WLS: variants seen among roughly 807,000 people sequenced by gnomAD.
WLS encodes the protein Wnt ligand secretion mediator.
WLS carries 23 observed loss-of-function variants against 62.8 expected under a neutral mutation model. That is an observed-to-expected ratio of 0.37 (90% CI 0.26 to 0.52). WLS has a LOEUF of 0.52. Ranked by LOEUF, WLS falls within the 20% of genes least tolerant of loss-of-function variation. The pLI, the probability that WLS is intolerant of heterozygous loss-of-function variation, is 0.92. For missense variants in WLS, 615 were observed against 697.3 expected (o/e 0.88, Z 1.33); for synonymous variants, 246 against 244.1 (o/e 1.01, Z -0.07).
chr1:68,149,985 A>G (rs1014747277), intron 6 of WLS, among the ~76,000 whole-genome samples: 2 of 152,214 alleles, frequency 1.3e-5, no homozygotes, highest in Non-Finnish European at 2.9e-5. Flanking sequence ...TGATAATGTC[A>G]TTTGCCTAAA....
chr1:68,149,525 T>C (rs1646797371), intron 6 of WLS, among the ~76,000 whole-genome samples: 1 of 152,318 alleles, frequency 6.6e-6, no homozygotes, highest in South Asian at 2.1e-4. Flanking sequence ...AACAGTCCAC[T>C]CTGCTGTGAA....
At chr1:68,130,060 A>C (rs1307020781) in intron 11 of WLS, among the ~76,000 whole-genome samples, 3 of 152,220 alleles carry the variant, frequency 2.0e-5, no homozygotes, top group Non-Finnish European at 4.4e-5. Context: ...GTGTGGAGTC[A>C]CATCCACAGG....
intron 2 of WLS, among the ~76,000 whole-genome samples, chr1:68,167,778 G>A (rs753905422): frequency 6.6e-6 from 1 of 152,090 alleles, no homozygotes; most frequent in Non-Finnish European, 1.5e-5. Context: ...TATTTTAGTT[G>A]GGTGGAGAAT....
chr1:68,122,907 G>A (rs546008451), downstream of WLS, among the ~76,000 whole-genome samples: 1 of 152,258 alleles, frequency 6.6e-6, no homozygotes, highest in Admixed American at 6.5e-5. Flanking sequence ...CTCCTCCACT[G>A]TCTATTTGTT....
At chr1:68,180,474 T>C (rs1193347093) in intron 2 of WLS, among the ~76,000 whole-genome samples, 1 of 152,088 alleles carries the variant, frequency 6.6e-6, no homozygotes, top group Non-Finnish European at 1.5e-5. Flanking sequence ...TCTTTGGGAA[T>C]GTGTCTAGAC....
chr1:68,149,775 C>T (rs1835461), intron 6 of WLS, among the ~76,000 whole-genome samples: 24,027 of 152,140 alleles, frequency 0.16, 2,108 homozygotes, highest in East Asian at 0.36. Flanking sequence ...TGATGGTTAA[C>T]CTGTATTCCT....
chr1:68,156,777 C>T (rs564717743), intron 3 of WLS, among the ~76,000 whole-genome samples: 1 of 152,190 alleles, frequency 6.6e-6, no homozygotes, highest in East Asian at 1.9e-4. Context: ...CTCTCCCCTC[C>T]ACTCCTTTCT....
At chr1:68,113,916 G>A (rs554079061) in intron 11 of WLS, among the ~76,000 whole-genome samples, 5 of 152,178 alleles carry the variant, frequency 3.3e-5, no homozygotes, top group South Asian at 2.1e-4. Context: ...GAAAGGTGGC[G>A]TGTTCAAGAC....
At chr1:68,156,162 A>G (rs889831466) in intron 3 of WLS, among the ~76,000 whole-genome samples, 7 of 152,094 alleles carry the variant, frequency 4.6e-5, no homozygotes, top group Non-Finnish European at 8.8e-5. Context: ...GAGCATAAAG[A>G]GGCATGAGCT....
chr1:68,202,935 A>G lies in WLS; in HGVS notation c.107-8708T>C, dbSNP rs189286334. ...TTAAATCAGCTCACCATGGGCACAC[A>G]TTTATATTGGAATTTTAGGGTCAGA... On this transcript the variant is annotated intron_variant, in intron 1 of 11. Coordinates refer to ENST00000262348, the MANE Select transcript of WLS (RefSeq NM_024911.7). 2.0e-5 allele frequency: 3 copies of G among 152,330 alleles called. No homozygotes were observed. The East Asian group carries it at 5.8e-4, about 29-fold the overall frequency. 9.4% of individuals were successfully genotyped at this position (152,330 alleles called of 1,614,324 possible). A position where few individuals can be genotyped will look rare whatever the true frequency, so the allele number is the denominator to read the frequency against.
chr1:68,168,699 A>G (rs17130541), intron 2 of WLS, among the ~76,000 whole-genome samples: 1,763 of 152,326 alleles, frequency 0.012, 33 homozygotes, highest in African/African-American at 0.04. Flanking sequence ...TTCCCACATT[A>G]CATAGGGGAG....
At chr1:68,111,852 T>G (rs1557447127) in intron 11 of WLS, among the ~76,000 whole-genome samples, 2 of 152,148 alleles carry the variant, frequency 1.3e-5, no homozygotes. Flanking sequence ...CAGAAGAAGA[T>G]TTAGTTGAAT....
At chr1:68,141,660 A>G (rs1265011883) in intron 10 of WLS, 1 of 152,176 alleles carries the variant, frequency 6.6e-6, no homozygotes, top group Non-Finnish European at 1.5e-5. Flanking sequence ...CTCCCACAGC[A>G]AGCCCGAGAG....
intron 11 of WLS, among the ~76,000 whole-genome samples, chr1:68,128,016 C>T (rs1052316916): frequency 6.6e-6 from 1 of 152,192 alleles, no homozygotes; most frequent in African/African-American, 2.4e-5. Flanking sequence ...GCTCTCTACC[C>T]AGGAGATTCC....
intron 2 of WLS, among the ~76,000 whole-genome samples, chr1:68,164,386 G>A (rs1647031408): frequency 6.6e-6 from 1 of 151,946 alleles, no homozygotes. Context: ...AGCCTCCTGA[G>A]TAGCTGGGAT....
At chr1:68,116,347 C>T (rs948111976) in intron 11 of WLS, among the ~76,000 whole-genome samples, 5 of 152,222 alleles carry the variant, frequency 3.3e-5, no homozygotes, top group Non-Finnish European at 7.3e-5. Flanking sequence ...CACGGTCACA[C>T]AGTGGCTGAG....
chr1:68,168,847 G>T (rs140437646), intron 2 of WLS, among the ~76,000 whole-genome samples: 2 of 152,102 alleles, frequency 1.3e-5, no homozygotes, highest in Non-Finnish European at 2.9e-5. Flanking sequence ...CTCTGACCTG[G>T]CTTGAATTTT....
chr1:68,125,210 A>G, downstream of WLS: 1 of 732,450 alleles, frequency 1.4e-6, no homozygotes, highest in Non-Finnish European at 1.7e-6. Flanking sequence ...ACCACACAGG[A>G]CAGAAAATGT....
At chr1:68,212,477 C>T (rs548239144) in intron 1 of WLS, among the ~76,000 whole-genome samples, 2 of 152,288 alleles carry the variant, frequency 1.3e-5, no homozygotes, top group East Asian at 3.9e-4. Context: ...AAGGATCCTT[C>T]AATTTCTCTA....
Sources: allele counts gnomAD v4.1 joint callset (sites outside exome capture counted in the v4.1 genomes callset), GRCh38; gene constraint gnomAD v4.1.1; transcripts MANE v1.5; gene names NCBI Gene and HGNC (gene_info 2026-07-23, HGNC 2026-07-21).